The following TESC variants were observed in gnomAD, a reference collection of about 807,000 sequenced individuals.
TESC encodes the protein calcineurin B homologous protein 3.
Under a neutral mutation model 31.0 loss-of-function variants are expected in TESC, and 19 were observed. That is an observed-to-expected ratio of 0.61 (90% CI 0.43 to 0.90). The LOEUF is 0.90. Ranked by LOEUF, TESC falls within the 40% of genes least tolerant of loss-of-function variation. The pLI, the probability that TESC is intolerant of heterozygous loss-of-function variation, is 0.00. For missense variants in TESC, 248 were observed against 303.8 expected, an observed-to-expected ratio of 0.82 and a Z score of 1.36; for synonymous variants, 109 against 114.8, an observed-to-expected ratio of 0.95 and a Z score of 0.32.
chr12:117,075,861 A>G (rs1158960633), intron 1 of TESC, among the ~76,000 whole-genome samples: 11 of 57,026 alleles, frequency 1.9e-4, no homozygotes, highest in African/African-American at 9.7e-4. Context: ...ATATATATAT[A>G]TATATATATG....
rs1478412830 is a variant in TESC, at chr12:117,039,045, AGGCTGTCC to A, written c.*80_*87del. ...GGCTATGTACCGGCGCTGCAGGAAG[AGGCTGTCC>A]GCCGGGCCTGGGCTGCTCCAGCTAC... is the stretch of plus-strand genomic sequence containing the variant. On this transcript the variant is annotated 3_prime_UTR_variant, in exon 8 of 8. Transcript: ENST00000335209. The A allele has an allele frequency of 6.9e-7, 1 of 1,445,492 alleles. No homozygotes were observed. Among genetic ancestry groups the A allele is most frequent in the African/African-American group, 1.4e-5 (1 of 71,188 alleles). 89.5% of individuals were successfully genotyped at this position (1,445,492 alleles called of 1,614,324 possible).
chr12:117,080,139 G>T (rs545893894), intron 1 of TESC, among the ~76,000 whole-genome samples: 1 of 152,228 alleles, frequency 6.6e-6, no homozygotes, highest in East Asian at 1.9e-4. Flanking sequence ...CTAGATCAAG[G>T]TTATCTAATG....
At chr12:117,068,827 C>A (rs117831534) in intron 2 of TESC, among the ~76,000 whole-genome samples, 1 of 152,140 alleles carries the variant, frequency 6.6e-6, no homozygotes, top group East Asian at 1.9e-4. Context: ...TATTCCATAG[C>A]GTCTATTTCT....
At chr12:117,059,707 C>A (rs1246818247) in intron 2 of TESC, among the ~76,000 whole-genome samples, 2 of 152,138 alleles carry the variant, frequency 1.3e-5, no homozygotes, top group African/African-American at 4.8e-5. Flanking sequence ...ATTCTCCTGC[C>A]TCAGCCTCCC....
At chr12:117,082,419 G>A (rs1955161104) in intron 1 of TESC, among the ~76,000 whole-genome samples, 1 of 150,708 alleles carries the variant, frequency 6.6e-6, no homozygotes, top group African/African-American at 2.4e-5. Flanking sequence ...CAGAAGAATC[G>A]CTTGAACCTG....
chr12:117,040,197 C>T (rs1465955400), intron 7 of TESC, among the ~76,000 whole-genome samples: 5 of 152,234 alleles, frequency 3.3e-5, no homozygotes, highest in Non-Finnish European at 1.5e-5. Flanking sequence ...TTTCCTGAGC[C>T]TGTTCTGGGT....
intron 2 of TESC, among the ~76,000 whole-genome samples, chr12:117,058,682 A>G (rs1169843501): frequency 1.3e-5 from 2 of 150,740 alleles, no homozygotes; most frequent in Admixed American, 6.6e-5. Context: ...GTTCAAGGTT[A>G]CAGTGAGCTA....
At chr12:117,051,146 T>G (rs1954642276) in intron 3 of TESC, among the ~76,000 whole-genome samples, 1 of 152,194 alleles carries the variant, frequency 6.6e-6, no homozygotes, top group African/African-American at 2.4e-5. Flanking sequence ...AGTTAGTGGT[T>G]AGTGCTTGGA....
chr12:117,063,302 C>T (rs768217355), intron 2 of TESC, among the ~76,000 whole-genome samples: 1 of 152,100 alleles, frequency 6.6e-6, no homozygotes, highest in South Asian at 2.1e-4. Flanking sequence ...CGCATTTTTA[C>T]GTTAAAGAGA....
intron 6 of TESC, among the ~76,000 whole-genome samples, chr12:117,042,515 C>G (rs911719435): frequency 6.6e-6 from 1 of 152,244 alleles, no homozygotes; most frequent in Non-Finnish European, 1.5e-5. Context: ...ACAGGGCCAG[C>G]CTGTGAGGCC....
At chr12:117,091,478 A>T (rs1210376512) in intron 1 of TESC, among the ~76,000 whole-genome samples, 4 of 152,258 alleles carry the variant, frequency 2.6e-5, no homozygotes, top group Admixed American at 2.6e-4. Flanking sequence ...CTCACAAAAA[A>T]ATATCCTGCC....
chr12:117,075,871 GTGTGTATATATA>G (rs1955050366), intron 1 of TESC, among the ~76,000 whole-genome samples: 4 of 45,132 alleles, frequency 8.9e-5, no homozygotes, highest in African/African-American at 4.3e-4. Flanking sequence ...ATATATATAT[GTGTGTATATATA>G]TATATATATA....
At chr12:117,077,795 AACT>A (rs1955093550) in intron 1 of TESC, among the ~76,000 whole-genome samples, 1 of 152,188 alleles carries the variant, frequency 6.6e-6, no homozygotes, top group African/African-American at 2.4e-5. Context: ...GAGGAGGAGT[AACT>A]TGAATGGAGT....
chr12:117,042,824 C>T (rs1565957233), intron 6 of TESC, among the ~76,000 whole-genome samples: 1 of 152,230 alleles, frequency 6.6e-6, no homozygotes, highest in Non-Finnish European at 1.5e-5. Flanking sequence ...AAATCTCGGT[C>T]ATCCACGCTA....
chr12:117,058,746 A>T lies in TESC; in HGVS notation c.129-1860T>A, dbSNP rs80035408. On this transcript the variant is annotated intron_variant, in intron 2 of 7. Coordinates refer to ENST00000335209, the MANE Select transcript of TESC (RefSeq NM_017899.4). ...TGATACAGTGAGACTCCAATCTCTTAAAAAAAAAAAAAAAAAGGCAAAAAA... is the reference window on the plus strand; with the variant it reads ...TGATACAGTGAGACTCCAATCTCTTTAAAAAAAAAAAAAAAAGGCAAAAAA... Among the ~76,000 whole-genome samples, 3 of 41,250 alleles carry T rather than the reference A, an allele frequency of 7.3e-5. No individual in the cohort carries two copies. In the African/African-American group the frequency reaches 2.7e-3, roughly 38 times the overall value. 27.1% of individuals were successfully genotyped at this position (41,250 alleles called of 152,430 possible).
At chr12:117,077,166 G>A (rs994137417) in intron 1 of TESC, among the ~76,000 whole-genome samples, 6 of 152,134 alleles carry the variant, frequency 3.9e-5, no homozygotes, top group East Asian at 1.9e-4. Flanking sequence ...CCAGCAGCTC[G>A]TTAAGGCTGT....
chr12:117,087,759 C>T (rs1402849268), intron 1 of TESC, among the ~76,000 whole-genome samples: 1 of 152,198 alleles, frequency 6.6e-6, no homozygotes, highest in East Asian at 1.9e-4. Context: ...AGGAGAATCG[C>T]TTGAACCTGG....
chr12:117,076,493 A>G (rs1565972017), intron 1 of TESC, among the ~76,000 whole-genome samples: 1 of 152,172 alleles, frequency 6.6e-6, no homozygotes, highest in Non-Finnish European at 1.5e-5. Flanking sequence ...CGCCCAGGCT[A>G]GAATGCAGTG....
At chr12:117,089,291 G>T (rs1955271384) in intron 1 of TESC, among the ~76,000 whole-genome samples, 1 of 152,164 alleles carries the variant, frequency 6.6e-6, no homozygotes, top group African/African-American at 2.4e-5. Flanking sequence ...CACAAGAAAT[G>T]CAAATGCACT....
Sources: gnomAD v4.1 joint callset for allele counts (sites outside exome capture counted in the v4.1 genomes callset) on GRCh38, gnomAD v4.1.1 for gene constraint, MANE v1.5 for transcripts, NCBI Gene and HGNC (gene_info 2026-07-23, HGNC 2026-07-21) for gene names.